Variants in CDH18 observed in about 807,000 individuals in gnomAD.
CDH18 encodes the protein cadherin 18.
In CDH18, 31 loss-of-function variants were observed where a neutral mutation model predicts 67.9. The observed-to-expected ratio is 0.46, with a 90% CI of 0.34 to 0.62. The LOEUF (loss-of-function observed/expected upper bound fraction) is 0.62. Among genes scored for constraint, CDH18 ranks in the 20% least tolerant of loss-of-function variants. The probability of loss-of-function intolerance (pLI) is 0.01; values close to 1 mark genes in which losing one functional copy is unlikely to be tolerated. For synonymous variants in CDH18, 362 were observed against 347.2 expected (o/e 1.04, Z -0.48); for missense variants, 890 against 975.5 (o/e 0.91, Z 1.17).
intron 5 of CDH18, among the ~76,000 whole-genome samples, chr5:19,655,011 G>C (rs1756137890): frequency 6.6e-6 from 1 of 152,120 alleles, no homozygotes; most frequent in African/African-American, 2.4e-5. Flanking sequence ...GTACAGGATA[G>C]GGGGGTGTGG....
chr5:20,407,890 T>C (rs957704540), intron 1 of CDH18, among the ~76,000 whole-genome samples: 1 of 151,926 alleles, frequency 6.6e-6, no homozygotes. Context: ...GAAATGAACA[T>C]CTAATTCAGA....
At chr5:20,305,444 GC>G in intron 1 of CDH18, 1 of 1,517,654 alleles carries the variant, frequency 6.6e-7, no homozygotes, top group Non-Finnish European at 9.1e-7. Context: ...TCGGCTTTTG[GC>G]CATGTTTTCG....
chr5:20,257,177 T>C (rs2126619318), intron 1 of CDH18, among the ~76,000 whole-genome samples: 1 of 152,194 alleles, frequency 6.6e-6, no homozygotes, highest in South Asian at 2.1e-4. Flanking sequence ...CCAAGTTTAA[T>C]TCCAGGAACT....
intron 1 of CDH18, among the ~76,000 whole-genome samples, chr5:20,350,316 T>G (rs1210649450): frequency 6.6e-6 from 1 of 152,080 alleles, no homozygotes; most frequent in Non-Finnish European, 1.5e-5. Flanking sequence ...AATATATGTG[T>G]TTTATGATAT....
At chr5:20,293,204 C>T (rs1002890172) in intron 1 of CDH18, among the ~76,000 whole-genome samples, 16 of 152,116 alleles carry the variant, frequency 1.1e-4, no homozygotes, top group African/African-American at 3.9e-4. Context: ...GTAATCTCAG[C>T]TTCTTGGGAG....
At chr5:20,317,183 C>A (rs1737549386) in intron 1 of CDH18, among the ~76,000 whole-genome samples, 1 of 151,936 alleles carries the variant, frequency 6.6e-6, no homozygotes, top group African/African-American at 2.4e-5. Context: ...TATATTCCTA[C>A]AATAAATGTC....
At chr5:19,546,623 G>A (rs920494982) in intron 8 of CDH18, among the ~76,000 whole-genome samples, 3 of 152,170 alleles carry the variant, frequency 2.0e-5, no homozygotes, top group Non-Finnish European at 4.4e-5. Context: ...CAGAGTGTAA[G>A]TGGAATTGCA....
intron 5 of CDH18, among the ~76,000 whole-genome samples, chr5:19,632,180 T>C (rs1159425663): frequency 6.6e-6 from 1 of 152,200 alleles, no homozygotes; most frequent in African/African-American, 2.4e-5. Flanking sequence ...GTTTTTTAAT[T>C]TTGTTCAGAA....
upstream of CDH18, among the ~76,000 whole-genome samples, chr5:19,990,619 C>T (rs1799927647): frequency 6.6e-6 from 1 of 152,190 alleles, no homozygotes; most frequent in Non-Finnish European, 1.5e-5. Context: ...GCTCTAGATT[C>T]TCCACAATCC....
At chr5:20,164,629 T>C (rs1052567226) in intron 2 of CDH18, among the ~76,000 whole-genome samples, 3 of 152,172 alleles carry the variant, frequency 2.0e-5, no homozygotes, top group Non-Finnish European at 2.9e-5. Flanking sequence ...CTGGTATCAG[T>C]TCTGCATTAT....
intron 3 of CDH18, among the ~76,000 whole-genome samples, chr5:19,785,682 ATATATATATATAT>A (rs1775695137): frequency 7.7e-4 from 16 of 20,846 alleles, no homozygotes; most frequent in African/African-American, 2.7e-3. Flanking sequence ...AAAAAAAAAT[ATATATATATATAT>A]ATATATATAT....
chr5:19,843,767 C>A (rs932312638), intron 2 of CDH18, among the ~76,000 whole-genome samples: 5 of 152,292 alleles, frequency 3.3e-5, no homozygotes, highest in African/African-American at 1.2e-4. Flanking sequence ...TGGAGCTACC[C>A]TAGGCCATGG....
chr5:19,774,783 T>G (rs1206994279), intron 3 of CDH18, among the ~76,000 whole-genome samples: 1 of 106,136 alleles, frequency 9.4e-6, no homozygotes, highest in Non-Finnish European at 1.7e-5. Context: ...CACTACAGCC[T>G]GAGTGACAGA....
intron 3 of CDH18, among the ~76,000 whole-genome samples, chr5:19,772,910 C>T (rs1180148004): frequency 1.3e-5 from 2 of 152,058 alleles, no homozygotes; most frequent in African/African-American, 2.4e-5. Flanking sequence ...TGGTTATATA[C>T]TAAATGACCA....
chr5:19,833,663 TGAATA>T (rs1422018444), intron 3 of CDH18, among the ~76,000 whole-genome samples: 1 of 151,842 alleles, frequency 6.6e-6, no homozygotes, highest in Non-Finnish European at 1.5e-5. Context: ...GGGTTTGTCA[TGAATA>T]GCTCTTATTA....
chr5:19,594,755 TGG>T (rs1164386616), intron 6 of CDH18, among the ~76,000 whole-genome samples: 29 of 152,306 alleles, frequency 1.9e-4, no homozygotes, highest in Non-Finnish European at 3.4e-4. Context: ...AAATGTCATT[TGG>T]ATTTTGATAG....
chr5:19,689,420 T>C (rs1477752193), intron 5 of CDH18, among the ~76,000 whole-genome samples: 1 of 151,916 alleles, frequency 6.6e-6, no homozygotes, highest in Non-Finnish European at 1.5e-5. Flanking sequence ...TCAAGATTAC[T>C]ATACACAGCA....
chr5:20,450,447 C>T (rs757154540), intron 1 of CDH18, among the ~76,000 whole-genome samples: 11 of 152,084 alleles, frequency 7.2e-5, no homozygotes, highest in Non-Finnish European at 1.6e-4. Context: ...TACATTATTG[C>T]ACATCATCCA....
At chr5:20,012,760 G>C (rs192674827) in intron 2 of CDH18, among the ~76,000 whole-genome samples, 1 of 152,152 alleles carries the variant, frequency 6.6e-6, no homozygotes, top group Admixed American at 6.5e-5. Context: ...GTAGGGACAT[G>C]CATGGAGCTA....
Sources: allele counts gnomAD v4.1 joint callset (sites outside exome capture counted in the v4.1 genomes callset), GRCh38; gene constraint gnomAD v4.1.1; transcripts MANE v1.5; gene names NCBI Gene and HGNC (gene_info 2026-07-23, HGNC 2026-07-21).